OMA1: variants seen among roughly 807,000 people sequenced by gnomAD.
The protein encoded by OMA1 is metalloendopeptidase OMA1, mitochondrial.
Under a neutral mutation model 30.9 loss-of-function variants are expected in OMA1, and 38 were observed. That is an observed-to-expected ratio of 1.23 (90% CI 0.95 to 1.61). The LOEUF is 1.61. OMA1 is among the 40% of genes most tolerant of loss of function. The pLI, the probability that OMA1 is intolerant of heterozygous loss-of-function variation, is 0.00. For synonymous variants in OMA1, 173 were observed against 121.9 expected, an observed-to-expected ratio of 1.42 and a Z score of -2.76; for missense variants, 461 against 349.2, an observed-to-expected ratio of 1.32 and a Z score of -2.55.
chr1:58,510,378 T>C (rs1363355141), intron 7 of OMA1, among the ~76,000 whole-genome samples: 3 of 151,974 alleles, frequency 2.0e-5, no homozygotes, highest in Non-Finnish European at 2.9e-5. Context: ...AAAAAACACA[T>C]GATCATCTCA....
chr1:58,506,203 C>CTAATTT lies in OMA1; in HGVS notation c.1221_1222insAAATTA (p.Cys407_Ala408insLysLeu), dbSNP rs1423340026. ...AACACTGAACTGGCTCTTATGTCTG[C>CTAATTT]ACAAGCCTAAAACCAAAATTAGTAA... On this transcript the variant is annotated inframe_insertion, in exon 8 of 9. Transcript: ENST00000371226. The CTAATTT allele has an allele frequency of 1.2e-6, 1 of 867,696 alleles. No homozygotes were observed. Among genetic ancestry groups the CTAATTT allele is most frequent in the Admixed American group, 1.7e-5 (1 of 59,104 alleles). The allele number at this position is 867,696 out of a possible 1,614,324, so 53.7% of individuals were successfully genotyped here.
intron 7 of OMA1, among the ~76,000 whole-genome samples, chr1:58,506,744 G>A (rs937285526): frequency 2.0e-5 from 3 of 151,964 alleles, no homozygotes; most frequent in Non-Finnish European, 2.9e-5. Context: ...TATGCCACTA[G>A]AACAATCAGA....
intron 8 of OMA1, among the ~76,000 whole-genome samples, chr1:58,481,386 A>T (rs953127456): frequency 6.6e-6 from 1 of 152,192 alleles, no homozygotes; most frequent in African/African-American, 2.4e-5. Context: ...GTATTATTTT[A>T]AAAACAACAA....
chr1:58,540,853 C>G (rs1646596066), intron 1 of OMA1, among the ~76,000 whole-genome samples: 3 of 151,160 alleles, frequency 2.0e-5, no homozygotes, highest in Admixed American at 2.0e-4. Flanking sequence ...AAAAGTTTTC[C>G]AAACTTGATG....
At chr1:58,496,082 T>A (rs1271957323) in intron 8 of OMA1, among the ~76,000 whole-genome samples, 1 of 152,066 alleles carries the variant, frequency 6.6e-6, no homozygotes, top group Non-Finnish European at 1.5e-5. Context: ...ATCAAAGAAA[T>A]GAAGACATGT....
At chr1:58,490,396 A>AG (rs550265400) in intron 8 of OMA1, among the ~76,000 whole-genome samples, 175 of 152,250 alleles carry the variant, frequency 1.1e-3, no homozygotes, top group African/African-American at 4.0e-3. Context: ...TAGAGAAAAA[A>AG]GAATAAAAAG....
At chr1:58,500,797 G>A (rs1011303529) in intron 8 of OMA1, among the ~76,000 whole-genome samples, 4 of 152,190 alleles carry the variant, frequency 2.6e-5, no homozygotes, top group Non-Finnish European at 5.9e-5. Flanking sequence ...GTTGGTAAGT[G>A]AAGTGGAGAA....
chr1:58,481,590 C>T (rs570503540), intron 8 of OMA1, among the ~76,000 whole-genome samples: 26 of 152,092 alleles, frequency 1.7e-4, no homozygotes, highest in African/African-American at 6.0e-4. Context: ...AAAAGATATA[C>T]ATAACTGATA....
Position 58,516,552 on chromosome 1 carries a change from G to T in OMA1, c.1216-10343C>A, listed in dbSNP as rs150265375. On this transcript the variant is annotated intron_variant, in intron 7 of 8. Coordinates refer to ENST00000371226, the MANE Select transcript of OMA1 (RefSeq NM_145243.5). ...ATATAACGACAAATGCCTTCCAAAT[G>T]AAAAATTAAAAGAACTCCTATAAAA... is the stretch of plus-strand genomic sequence containing the variant. Among the ~76,000 whole-genome samples, 297 of 152,186 alleles carry T rather than the reference G, an allele frequency of 2.0e-3. 1 individual carries two copies. Among genetic ancestry groups the T allele is most frequent in the Middle Eastern group, 6.8e-3 (2 of 292 alleles).
At chr1:58,482,348 AC>A (rs565079772) in intron 8 of OMA1, among the ~76,000 whole-genome samples, 23 of 152,200 alleles carry the variant, frequency 1.5e-4, no homozygotes, top group Non-Finnish European at 2.6e-4. Flanking sequence ...GGAAATAGTT[AC>A]CCCTGAAACT....
intron 8 of OMA1, among the ~76,000 whole-genome samples, chr1:58,487,965 T>C (rs1181214708): frequency 6.6e-6 from 1 of 152,186 alleles, no homozygotes; most frequent in Non-Finnish European, 1.5e-5. Flanking sequence ...ATTATGACTT[T>C]GACTAAATTT....
At chr1:58,543,663 G>T (rs11207250) in intron 1 of OMA1, among the ~76,000 whole-genome samples, 98,819 of 151,992 alleles carry the variant, frequency 0.65, 34,206 homozygotes, top group East Asian at 0.94. Flanking sequence ...GTAAATACCA[G>T]GTAATCATTT....
chr1:58,506,248 T>G, intron 7 of OMA1, 39 bp from the exon 8 acceptor site: 1 of 821,932 alleles, frequency 1.2e-6, no homozygotes, highest in South Asian at 1.5e-5. Context: ...ATGAGCTCAG[T>G]TTTGAGGATT....
rs1465513701 is a variant in OMA1 at position 58,480,848 on chromosome 1, T to C, written c.*117A>G. 9.3e-6 allele frequency: 6 copies of C among 648,434 alleles called. No individual in the cohort carries two copies. The highest frequency in any genetic ancestry group is 9.1e-5 in the African/African-American group (5 of 54,952). 40.2% of individuals were successfully genotyped at this position (648,434 alleles called of 1,614,324 possible). A position where few individuals can be genotyped will look rare whatever the true frequency, so the allele number is the denominator to read the frequency against. On this transcript the variant is annotated 3_prime_UTR_variant, in exon 9 of 9. Transcript: ENST00000371226. ...ATTTAGATAATATCTGTAATGTACATGATTTGACCCTGAATATCCTTTTTT... is the reference window on the plus strand; with the variant it reads ...ATTTAGATAATATCTGTAATGTACACGATTTGACCCTGAATATCCTTTTTT...
rs1047466802 is a variant in OMA1 at position 58,506,188 on chromosome 1, T to C, written c.1237A>G (p.Ser413Gly). The change falls in exon 8 of 9, where the codon AGT becomes GGT. Residue 413 changes from serine to glycine, a missense_variant. Physicochemically the swap from Ser to Gly is moderately conservative, Grantham distance 56 (BLOSUM62 0). Coordinates refer to ENST00000371226, the MANE Select transcript of OMA1 (RefSeq NM_145243.5). ...TCCATTTGCTGCCAAAACACTGAACTGGCTCTTATGTCTGCACAAGCCTAA... is the reference window on the plus strand; with the variant it reads ...TCCATTTGCTGCCAAAACACTGAACCGGCTCTTATGTCTGCACAAGCCTAA... ...AAKACADIRA[S>G]SVFWQQMEFV... 4 of 871,332 alleles carry C rather than the reference T, an allele frequency of 4.6e-6. 1 individual carries two copies. In the Admixed American group the frequency reaches 5.1e-5, roughly 11 times the overall value. The allele number at this position is 871,332 out of a possible 1,614,324, so 54.0% of individuals were successfully genotyped here. A position where few individuals can be genotyped will look rare whatever the true frequency, so the allele number is the denominator to read the frequency against.
chr1:58,522,326 A>G (rs1646277864), intron 7 of OMA1, among the ~76,000 whole-genome samples: 2 of 152,194 alleles, frequency 1.3e-5, no homozygotes, highest in African/African-American at 4.8e-5. Context: ...TTTAAAGTTG[A>G]AGAAAAAGTG....
intron 7 of OMA1, among the ~76,000 whole-genome samples, chr1:58,521,623 A>T (rs1160091617): frequency 2.2e-4 from 33 of 152,104 alleles, no homozygotes; most frequent in Admixed American, 2.2e-3. Context: ...CAGACATTAA[A>T]ATATAATAAG....
At chr1:58,511,856 CT>C (rs1484136825) in intron 7 of OMA1, among the ~76,000 whole-genome samples, 1 of 152,022 alleles carries the variant, frequency 6.6e-6, no homozygotes, top group African/African-American at 2.4e-5. Context: ...TGACTTTGGT[CT>C]TGGCAATGAT....
chr1:58,499,019 T>G (rs531006123), intron 8 of OMA1, among the ~76,000 whole-genome samples: 1 of 152,214 alleles, frequency 6.6e-6, no homozygotes, highest in South Asian at 2.1e-4. Context: ...AACAAACCTA[T>G]AAAAACATTT....
Sources: allele counts gnomAD v4.1 joint callset (sites outside exome capture counted in the v4.1 genomes callset), GRCh38; gene constraint gnomAD v4.1.1; transcripts MANE v1.5; gene names NCBI Gene and HGNC (gene_info 2026-07-23, HGNC 2026-07-21).